SORBS3: variants seen among roughly 807,000 people sequenced by gnomAD.
SORBS3 encodes the protein vinexin.
In SORBS3, 69 loss-of-function variants were observed where a neutral mutation model predicts 98.0. The ratio of observed to expected loss-of-function variants is 0.70; its 90% CI spans 0.58 to 0.86. The LOEUF is 0.86. SORBS3 is among the 40% of genes least tolerant of loss of function. The pLI is 0.00. For missense variants in SORBS3, 954 were observed against 908.5 expected (o/e 1.05, Z -0.64); for synonymous variants, 394 against 355.4 (o/e 1.11, Z -1.22).
At chr8:22,571,364 A>G in intron 18 of SORBS3, 143 bp downstream of exon 18, 1 of 614,142 alleles carries the variant, frequency 1.6e-6, no homozygotes, top group Non-Finnish European at 2.8e-6. Flanking sequence ...CTAGTATGGC[A>G]GCCCCACCCT....
At chr8:22,568,310 T>A (rs1370181347) in intron 16 of SORBS3, among the ~76,000 whole-genome samples, 1 of 152,260 alleles carries the variant, frequency 6.6e-6, no homozygotes, top group Non-Finnish European at 1.5e-5. Flanking sequence ...TTATTGTTGC[T>A]TGCTTTTGGT....
At position 22,563,968 on chromosome 8, in the gene SORBS3, T is replaced by C; in HGVS notation, c.585-19T>C. 6.3e-7 allele frequency: 1 copy of C among 1,593,270 alleles called. No individual in the cohort carries two copies. Among genetic ancestry groups the C allele is most frequent in the Non-Finnish European group, 8.6e-7 (1 of 1,161,186 alleles). ...TCTCCCTAAAAGGAAGCTGAAGAGA[T>C]GTCCTTCCCTTTCTTTAGAAGAAGC... is the stretch of plus-strand genomic sequence containing the variant. On this transcript the variant is annotated intron_variant, in intron 7 of 20. Transcript: ENST00000240123.
chr8:22,546,255 A>G (rs1452763811), intron 1 of SORBS3, among the ~76,000 whole-genome samples: 1 of 152,228 alleles, frequency 6.6e-6, no homozygotes. Flanking sequence ...CCCTTAAATG[A>G]TAACTTTATT....
At chr8:22,552,112 C>T (rs941558611) in intron 1 of SORBS3, 90 bp downstream of exon 1, 45 of 967,268 alleles carry the variant, frequency 4.7e-5, no homozygotes, top group Non-Finnish European at 5.4e-5. Flanking sequence ...AGCCCCTCCC[C>T]GGGGTCCGCG....
intron 5 of SORBS3, 133 bp from the exon 6 acceptor site, chr8:22,561,202 A>T (rs1262887734): frequency 5.0e-6 from 4 of 805,100 alleles, no homozygotes; most frequent in Non-Finnish European, 7.8e-6. Context: ...CTCCCTTGGG[A>T]CATTCTTCAG....
chr8:22,545,994 G>T (rs1426537092), intron 1 of SORBS3, among the ~76,000 whole-genome samples: 1 of 152,142 alleles, frequency 6.6e-6, no homozygotes, highest in East Asian at 1.9e-4. Flanking sequence ...CTTCCTAAAT[G>T]GTGAGGTGGT....
At position 22,571,728 on chromosome 8, in the gene SORBS3, C is replaced by A. The variant is rs373766256; in HGVS notation, c.1754C>A (p.Thr585Asn). Residue 585 changes from threonine (T) to asparagine (N), a missense_variant, in exon 19 of 21, where the codon ACC (threonine) becomes AAC (asparagine). By Grantham distance (65) the Thr-to-Asn change is moderately conservative. Coordinates refer to ENST00000240123, the MANE Select transcript of SORBS3 (RefSeq NM_005775.5). ...CCTGTCAACTCCCAGAATCTTGGCACCCCTGGTCCAGCTCTGTCCCACTCT... is the reference window on the plus strand; with the variant it reads ...CCTGTCAACTCCCAGAATCTTGGCAACCCTGGTCCAGCTCTGTCCCACTCT... ...EPRPQTQNLG[T>N]PGPALSHSRG... 2.5e-6 allele frequency: 4 copies of A among 1,613,654 alleles called. No homozygotes were observed. The highest frequency in any genetic ancestry group is 3.4e-6 in the Non-Finnish European group (4 of 1,179,616).
In SORBS3 at chr8:22,551,942, C is replaced by T; in HGVS notation, c.-136C>T. ...TCTCCTTGCCCTTCCTCCTCGAGCG[C>T]CCGCGCCAGGCAGCAGCCGGGCAGG... is the stretch of plus-strand genomic sequence containing the variant. On this transcript the variant is annotated 5_prime_UTR_variant, in exon 1 of 21. Coordinates refer to ENST00000240123, the MANE Select transcript of SORBS3 (RefSeq NM_005775.5). The surrounding 1 kb of genome is among the most constrained non-coding windows in gnomAD (Gnocchi z 5.8). The T allele has an allele frequency of 1.0e-6, 1 of 985,424 alleles. No homozygotes were observed. The highest frequency in any genetic ancestry group is 1.2e-6 in the Non-Finnish European group (1 of 829,952). 61.0% of individuals were successfully genotyped at this position (985,424 alleles called of 1,614,324 possible).
upstream of SORBS3, chr8:22,550,066 A>T: frequency 1.0e-6 from 1 of 968,876 alleles, no homozygotes; most frequent in Non-Finnish European, 1.2e-6. Flanking sequence ...CAGGTGGGAA[A>T]AATGCGTGTC....
chr8:22,566,263 T>TG (rs1840416326), intron 12 of SORBS3, 82 bp from the exon 13 acceptor site: 7 of 1,489,478 alleles, frequency 4.7e-6, no homozygotes, highest in South Asian at 1.3e-5. Flanking sequence ...ATGGGGGCGA[T>TG]GGGGGGTCAG....
In SORBS3 at chr8:22,566,775, C is replaced by T. The variant is rs149412914; in HGVS notation, c.1144-47C>T. On this transcript the variant is annotated intron_variant, in intron 14 of 20. Transcript: ENST00000240123. ...TCCCAAGGCTGCCATCCTGGATCTG[C>T]CACCCGCCCAACTGAGAGAGCCCAC... The T allele has an allele frequency of 1.3e-4, 216 of 1,613,494 alleles. 1 individual carries two copies. The East Asian group carries it at 4.1e-3, about 31-fold the overall frequency.
intron 5 of SORBS3, among the ~76,000 whole-genome samples, chr8:22,560,417 T>C (rs1157126174): frequency 6.6e-6 from 1 of 152,004 alleles, no homozygotes; most frequent in Non-Finnish European, 1.5e-5. Flanking sequence ...CTTAGAAGTT[T>C]GAGAGATGAG....
rs1213857285 is a variant in SORBS3, at chr8:22,561,146, A to G, written c.479-189A>G. ...GGCTCGCTTAGGCCCCAAGCCTGCCAGAGGCATTTCAAGCCCTCCAGAGAG... is the reference window on the plus strand; with the variant it reads ...GGCTCGCTTAGGCCCCAAGCCTGCCGGAGGCATTTCAAGCCCTCCAGAGAG... On this transcript the variant is annotated intron_variant, in intron 5 of 20. Transcript: ENST00000240123. 6 of 547,302 alleles carry G rather than the reference A, an allele frequency of 1.1e-5. No homozygotes were observed. In the Admixed American group the frequency reaches 2.1e-4, roughly 19 times the overall value. 33.9% of individuals were successfully genotyped at this position (547,302 alleles called of 1,614,324 possible). A position where few individuals can be genotyped will look rare whatever the true frequency, so the allele number is the denominator to read the frequency against.
At chr8:22,547,250 A>T (rs1460054346), upstream of SORBS3, among the ~76,000 whole-genome samples, 1 of 152,052 alleles carries the variant, frequency 6.6e-6, no homozygotes, top group African/African-American at 2.4e-5. Flanking sequence ...CTTCAATGCA[A>T]ATTCATATTA....
chr8:22,554,668 C>A lies in SORBS3; in HGVS notation c.102+60C>A. 6.5e-7 allele frequency: 1 copy of A among 1,527,344 alleles called. No homozygotes were observed. Among genetic ancestry groups the A allele is most frequent in the Non-Finnish European group, 8.8e-7 (1 of 1,134,484 alleles). 94.6% of individuals were successfully genotyped at this position (1,527,344 alleles called of 1,614,324 possible). On this transcript the variant is annotated intron_variant, in intron 2 of 20. Coordinates refer to ENST00000240123, the MANE Select transcript of SORBS3 (RefSeq NM_005775.5). This position sits in a 1 kb window ranked among gnomAD's most constrained non-coding sequence, Gnocchi z 6.5. Reference sequence around the variant, plus strand: ...GGCCCGGAGTTGGTTGGGACGCTAGCAGGTCAGGTGGGGGCAGGAGGATGA... The same window carrying A: ...GGCCCGGAGTTGGTTGGGACGCTAGAAGGTCAGGTGGGGGCAGGAGGATGA...
rs141686542 is a variant in SORBS3 at position 22,560,429 on chromosome 8, C to T, written c.479-906C>T. On this transcript the variant is annotated intron_variant, in intron 5 of 20. Coordinates refer to ENST00000240123, the MANE Select transcript of SORBS3 (RefSeq NM_005775.5). ...ATGCTTAGAAGTTTGAGAGATGAGG[C>T]GGAACCAAAAAGGCAACTGAGAAGG... 2.3e-3 allele frequency among the ~76,000 whole-genome samples: 353 copies of T among 152,106 alleles called. 2 individuals carry two copies. Among genetic ancestry groups the T allele is most frequent in the African/African-American group, 6.7e-3 (279 of 41,468 alleles).
intron 10 of SORBS3, 131 bp downstream of exon 10, chr8:22,564,652 G>T (rs1840367400): frequency 1.4e-6 from 2 of 1,413,184 alleles, no homozygotes; most frequent in African/African-American, 2.9e-5. Context: ...GTTTATTTCT[G>T]TAATGCCAGC....
chr8:22,546,123 G>A (rs1338108607), intron 1 of SORBS3, among the ~76,000 whole-genome samples: 2 of 152,106 alleles, frequency 1.3e-5, no homozygotes, highest in Non-Finnish European at 2.9e-5. Context: ...AAGAAGGCGA[G>A]GGAAATGTTA....
upstream of SORBS3, among the ~76,000 whole-genome samples, chr8:22,548,485 C>G (rs1053459096): frequency 6.6e-6 from 1 of 152,188 alleles, no homozygotes; most frequent in African/African-American, 2.4e-5. Context: ...CTGCGCTAAC[C>G]CCTTCTGGTC....
Sources: gnomAD v4.1 joint callset for allele counts (sites outside exome capture counted in the v4.1 genomes callset) on GRCh38, gnomAD v4.1.1 for gene constraint, Gnocchi (gnomAD v3.1) non-coding constraint, MANE v1.5 for transcripts, NCBI Gene and HGNC (gene_info 2026-07-23, HGNC 2026-07-21) for gene names.